Variants in ABCF2 observed in about 807,000 individuals in gnomAD.
ABCF2 encodes the protein ATP binding cassette subfamily F member 2, also known as ATP-binding cassette sub-family F member 2.
Under a neutral mutation model 76.9 loss-of-function variants are expected in ABCF2, and 37 were observed. That is an observed-to-expected ratio of 0.48 (90% CI 0.37 to 0.63). The LOEUF (loss-of-function observed/expected upper bound fraction) is 0.63, where lower values mean the gene tolerates loss of function less well. ABCF2 is among the 30% of genes least tolerant of loss of function. The probability of loss-of-function intolerance (pLI) is 0.00; values close to 1 mark genes in which losing one functional copy is unlikely to be tolerated. For missense variants in ABCF2, 524 were observed against 782.1 expected, an observed-to-expected ratio of 0.67 and a Z score of 3.94; for synonymous variants, 299 against 283.7, an observed-to-expected ratio of 1.05 and a Z score of -0.54.
chr7:151,224,856 T>G lies in ABCF2; in HGVS notation c.287A>C (p.His96Pro). The G allele has an allele frequency of 1.2e-6, 2 of 1,614,138 alleles. No homozygotes were observed. The highest frequency in any genetic ancestry group is 1.7e-6 in the Non-Finnish European group (2 of 1,180,024). ...GGTGTCACTGAGCAGCTCTTGACCA[T>G]GAAAGGTAAGTGAGAGGTTGATGAT... ...VHIINLSLTF[H>P]GQELLSDTKL... The change falls in exon 3 of 15, where the codon CAT becomes CCT. Residue 96 changes from histidine (H) to proline (P), a missense_variant. Physicochemically the swap from His to Pro is moderately conservative, Grantham distance 77. This residue lies in a region of ABCF2 where 330 missense variants were observed against 433.6 expected (regional missense o/e 0.76). Transcript: ENST00000287844.
intron 11 of ABCF2, among the ~76,000 whole-genome samples, chr7:151,216,910 C>T (rs1032832554): frequency 2.0e-5 from 3 of 152,120 alleles, no homozygotes; most frequent in Non-Finnish European, 4.4e-5. Context: ...GATATTTACC[C>T]AATTTTTGGT....
In ABCF2 at chr7:151,213,870, A is replaced by G; in HGVS notation, c.*184T>C. The G allele has an allele frequency of 7.0e-7, 1 of 1,424,452 alleles. No individual in the cohort carries two copies. The highest frequency in any genetic ancestry group is 9.1e-7 in the Non-Finnish European group (1 of 1,096,030). The allele number at this position is 1,424,452 out of a possible 1,614,324, so 88.2% of individuals were successfully genotyped here. ...ACTGGAAGGAGGACAGGAAACAGAC[A>G]GGTACTGTCCAGCTGTAGGTAAGAG... is the stretch of plus-strand genomic sequence containing the variant. On this transcript the variant is annotated 3_prime_UTR_variant, in exon 15 of 15. Transcript: ENST00000287844.
At position 151,226,308 on chromosome 7, in the gene ABCF2, T is replaced by C. The variant is rs1159349618; in HGVS notation, c.151A>G (p.Thr51Ala). ...EKNEANGRETTEVDLLTKELE... is the reference protein window; with the variant it reads ...EKNEANGRETAEVDLLTKELE... ...ACTCACCCCTCCCTCAATTCACCTG[T>C]GGTCTCTCTGCCATTGGCCTCATTC... is the stretch of plus-strand genomic sequence containing the variant. The change falls in exon 2 of 15, where the codon ACA becomes GCA. Residue 51 changes from threonine to alanine, a missense_variant. Physicochemically the swap from Thr to Ala is moderately conservative, Grantham distance 58. This residue lies in a region of ABCF2 where 330 missense variants were observed against 433.6 expected (regional missense o/e 0.76). Coordinates refer to ENST00000287844, the MANE Select transcript of ABCF2 (RefSeq NM_007189.3). 1 of 1,613,762 alleles carries C rather than the reference T, an allele frequency of 6.2e-7. No individual in the cohort carries two copies.
chr7:151,224,263 C>A (rs976665342), intron 3 of ABCF2, 149 bp from the exon 4 acceptor site: 17 of 790,520 alleles, frequency 2.2e-5, no homozygotes, highest in Non-Finnish European at 2.4e-5. Flanking sequence ...ATCTTGCCAG[C>A]CCCCATTCTT....
intron 5 of ABCF2, 138 bp from the exon 6 acceptor site, chr7:151,222,754 T>A: frequency 1.7e-6 from 1 of 603,400 alleles, no homozygotes. Flanking sequence ...GCTCTATACC[T>A]CAGAGGGAAA....
At chr7:151,217,068 G>A (rs1209858929) in intron 11 of ABCF2, among the ~76,000 whole-genome samples, 1 of 152,130 alleles carries the variant, frequency 6.6e-6, no homozygotes, top group Non-Finnish European at 1.5e-5. Context: ...GCATTTGTAT[G>A]GTTATCATAA....
intron 11 of ABCF2, among the ~76,000 whole-genome samples, chr7:151,217,333 T>C (rs1481692653): frequency 6.6e-6 from 1 of 152,114 alleles, no homozygotes; most frequent in East Asian, 1.9e-4. Context: ...GAAACTGAAG[T>C]ACCAGAGAAA....
At chr7:151,220,091 C>A (rs998098153) in intron 7 of ABCF2, among the ~76,000 whole-genome samples, 1 of 149,904 alleles carries the variant, frequency 6.7e-6, no homozygotes, top group African/African-American at 2.5e-5. Flanking sequence ...AGAGACAGAC[C>A]CCATCTCGAG....
At position 151,213,422 on chromosome 7, in the gene ABCF2, G is replaced by A. The variant is rs897357886; in HGVS notation, c.*632C>T. On this transcript the variant is annotated 3_prime_UTR_variant, in exon 15 of 15. Coordinates refer to ENST00000287844, the MANE Select transcript of ABCF2 (RefSeq NM_007189.3). ...CTTCAGTTCCCATCGACACACTGAC[G>A]CTGGATCCAGCTCCTGCTGTGGGCA... is the stretch of plus-strand genomic sequence containing the variant. 2.5e-5 allele frequency: 25 copies of A among 985,330 alleles called. No individual in the cohort carries two copies. The highest frequency in any genetic ancestry group is 7.0e-5 in the African/African-American group (4 of 57,226). The allele number at this position is 985,330 out of a possible 1,614,324, so 61.0% of individuals were successfully genotyped here. A position where few individuals can be genotyped will look rare whatever the true frequency, so the allele number is the denominator to read the frequency against.
chr7:151,214,806 T>A lies in ABCF2; in HGVS notation c.1734+73A>T. ...TTCAGTAGGCGGGTATTATGCACCC[T>A]CCACATGCCATGACTACCCTACCCA... On this transcript the variant is annotated intron_variant, in intron 14 of 14. Transcript: ENST00000287844. The surrounding 1 kb of genome is among the most constrained non-coding windows in gnomAD (Gnocchi z 4.9). 6.9e-7 allele frequency: 1 copy of A among 1,441,666 alleles called. No homozygotes were observed. The highest frequency in any genetic ancestry group is 9.7e-7 in the Non-Finnish European group (1 of 1,028,094). 89.3% of individuals were successfully genotyped at this position (1,441,666 alleles called of 1,614,324 possible).
Position 151,219,124 on chromosome 7 carries a change from C to A in ABCF2, c.957G>T (p.Glu319Asp). 1 of 1,614,058 alleles carries A rather than the reference C, an allele frequency of 6.2e-7. No homozygotes were observed. The highest frequency in any genetic ancestry group is 8.5e-7 in the Non-Finnish European group (1 of 1,180,028). ...NYDQYVKTRL[E>D]LEENQMKRFH... ...ACCTCTTCATCTGGTTCTCCTCCAG[C>A]TCTAGCCGCGTCTTCACGTACTGAT... The change falls in exon 8 of 15, where the codon GAG (glutamate) becomes GAT (aspartate). Residue 319 changes from glutamate to aspartate, a missense_variant. Glu to Asp is a conservative substitution (Grantham distance 45, BLOSUM62 2). Transcript: ENST00000287844.
Position 151,214,217 on chromosome 7 carries a change from C to T in ABCF2, c.1735-26G>A. ...CTAGAAAGCAAAACCTGGACTTAAT[C>T]CTGGGCTAGTCACTGTCCCTGCCTC... On this transcript the variant is annotated intron_variant, in intron 14 of 14. Coordinates refer to ENST00000287844, the MANE Select transcript of ABCF2 (RefSeq NM_007189.3). This position sits in a 1 kb window ranked among gnomAD's most constrained non-coding sequence, Gnocchi z 4.9. The T allele has an allele frequency of 3.7e-6, 6 of 1,614,102 alleles. No individual in the cohort carries two copies. The highest frequency in any genetic ancestry group is 5.1e-6 in the Non-Finnish European group (6 of 1,180,014).
intron 6 of ABCF2, 23 bp downstream of exon 6, chr7:151,222,498 C>T (rs1802288702): frequency 1.3e-6 from 2 of 1,598,890 alleles, no homozygotes; most frequent in Non-Finnish European, 1.7e-6. Context: ...TGCCCGCTCA[C>T]ATCCCCCATT....
rs764244381 is a variant in ABCF2, at chr7:151,215,639, T to G, written c.1495A>C (p.Ile499Leu). 13 of 1,614,010 alleles carry G rather than the reference T, an allele frequency of 8.1e-6. No individual in the cohort carries two copies. Among genetic ancestry groups the G allele is most frequent in the Admixed American group, 5.0e-5 (3 of 60,004 alleles). ...EIKEKEEMRK[I>L]IGRYGLTGKQ... ...CCAGTGAGACCGTATCGCCCAATGA[T>G]CTTCCTCATTTCTTCCTTCTCCTTG... Residue 499 changes from isoleucine (I) to leucine (L), a missense_variant, in exon 13 of 15, where the codon ATC becomes CTC. By Grantham distance (5) the Ile-to-Leu change is conservative. This residue lies in a region of ABCF2 where 194 missense variants were observed against 348.6 expected (regional missense o/e 0.56). Transcript: ENST00000287844. This position sits in a 1 kb window ranked among gnomAD's most constrained non-coding sequence, Gnocchi z 4.6.
In ABCF2 at chr7:151,221,518, A is replaced by G. The variant is rs1051172133; in HGVS notation, c.921+60T>C. ...CACCAGCCTTTTTTTTTTTTTTTAA[A>G]GAGAATTTCAGAGAATTGGTATGCA... On this transcript the variant is annotated intron_variant, in intron 7 of 14. Coordinates refer to ENST00000287844, the MANE Select transcript of ABCF2 (RefSeq NM_007189.3). The G allele has an allele frequency of 9.9e-6, 11 of 1,112,446 alleles. No individual in the cohort carries two copies. The African/African-American group carries it at 1.4e-4, about 15-fold the overall frequency. 68.9% of individuals were successfully genotyped at this position (1,112,446 alleles called of 1,614,324 possible).
chr7:151,222,692 C>T, intron 5 of ABCF2, 76 bp from the exon 6 acceptor site: 1 of 1,237,300 alleles, frequency 8.1e-7, no homozygotes, highest in Non-Finnish European at 1.2e-6. Flanking sequence ...AACTTGCCTG[C>T]TACATGCAAT....
chr7:151,221,015 G>A (rs2150574938), intron 7 of ABCF2, among the ~76,000 whole-genome samples: 1 of 152,376 alleles, frequency 6.6e-6, no homozygotes, highest in Admixed American at 6.5e-5. Context: ...AGCAGGGCCT[G>A]CCTGGTCACC....
Position 151,221,578 on chromosome 7 carries a change from C to G in ABCF2, c.921G>C (p.Thr307=). Residue 307 remains threonine, a splice_region_variant and synonymous_variant, in exon 7 of 15, where the codon ACG becomes ACC. Coordinates refer to ENST00000287844, the MANE Select transcript of ABCF2 (RefSeq NM_007189.3). ...CCAGAAGAAGCCGAGGCCCACTCAC[C>G]GTATAATACTTCAGTTTCTTGTTGT... ...HMHNKKLKYY[T]GNYDQYVKTR... The G allele has an allele frequency of 1.3e-6, 2 of 1,567,210 alleles. No homozygotes were observed. Among genetic ancestry groups the G allele is most frequent in the Non-Finnish European group, 1.8e-6 (2 of 1,137,872 alleles).
chr7:151,216,114 T>G (rs1380280221), intron 11 of ABCF2, 85 bp from the exon 12 acceptor site: 2 of 1,173,824 alleles, frequency 1.7e-6, no homozygotes, highest in Non-Finnish European at 1.3e-6. Flanking sequence ...CAAACACATG[T>G]TCACACTGAA....
Sources: gnomAD v4.1 joint callset for allele counts (sites outside exome capture counted in the v4.1 genomes callset) on GRCh38, gnomAD v4.1.1 for gene constraint, gnomAD v4.1.1 regional missense constraint, Gnocchi (gnomAD v3.1) non-coding constraint, MANE v1.5 for transcripts, NCBI Gene and HGNC (gene_info 2026-07-23, HGNC 2026-07-21) for gene names.